The following LIN28B variants were observed in gnomAD, a reference collection of about 807,000 sequenced individuals.
LIN28B encodes protein lin-28 homolog B.
Under a neutral mutation model 21.9 loss-of-function variants are expected in LIN28B, and 5 were observed. That is an observed-to-expected ratio of 0.23 (90% CI 0.12 to 0.48). LIN28B has a LOEUF of 0.48. LIN28B is among the 20% of genes least tolerant of loss of function. The probability of loss-of-function intolerance (pLI) is 0.98; values close to 1 mark genes in which losing one functional copy is unlikely to be tolerated. For missense variants in LIN28B, 245 were observed against 310.5 expected (o/e 0.79, Z 1.58); for synonymous variants, 109 against 111.3 (o/e 0.98, Z 0.13).
At chr6:105,034,112 G>A (rs150227304) in intron 3 of LIN28B, among the ~76,000 whole-genome samples, 3 of 151,934 alleles carry the variant, frequency 2.0e-5, no homozygotes, top group African/African-American at 7.2e-5. Flanking sequence ...TAGTGTATAT[G>A]TTGGTTGTAT....
intron 3 of LIN28B, among the ~76,000 whole-genome samples, chr6:105,062,728 G>A (rs941126377): frequency 2.0e-5 from 3 of 151,838 alleles, no homozygotes; most frequent in African/African-American, 7.3e-5. Flanking sequence ...ATTGTTCTTG[G>A]TGGTTCTTGC....
intron 2 of LIN28B, among the ~76,000 whole-genome samples, chr6:104,966,498 G>A (rs2114582625): frequency 6.6e-6 from 1 of 151,972 alleles, no homozygotes; most frequent in South Asian, 2.1e-4. Flanking sequence ...CTCTTGCTCA[G>A]GCTGGAGTGC....
At chr6:104,950,192 AT>A (rs1778204480) in intron 2 of LIN28B, among the ~76,000 whole-genome samples, 1 of 152,140 alleles carries the variant, frequency 6.6e-6, no homozygotes, top group Admixed American at 6.6e-5. Flanking sequence ...ATTGTTCGTG[AT>A]ATTGGGATCT....
At chr6:105,022,205 G>A (rs1255115928) in intron 2 of LIN28B, among the ~76,000 whole-genome samples, 3 of 152,136 alleles carry the variant, frequency 2.0e-5, no homozygotes, top group African/African-American at 7.2e-5. Context: ...TTGTGATGCT[G>A]AGATGCCAGT....
chr6:105,038,156 G>GAT (rs751621726), intron 3 of LIN28B, among the ~76,000 whole-genome samples: 13 of 152,188 alleles, frequency 8.5e-5, no homozygotes, highest in Non-Finnish European at 1.6e-4. Context: ...CAGTCAGACA[G>GAT]ATAAAACCAC....
intron 2 of LIN28B, among the ~76,000 whole-genome samples, chr6:104,971,192 C>T (rs1437339655): frequency 6.6e-6 from 1 of 152,024 alleles, no homozygotes; most frequent in South Asian, 2.1e-4. Context: ...CACATATTTT[C>T]GTGCAAATAA....
At chr6:105,048,250 G>A (rs1173034362) in intron 3 of LIN28B, among the ~76,000 whole-genome samples, 1 of 152,186 alleles carries the variant, frequency 6.6e-6, no homozygotes, top group East Asian at 1.9e-4. Flanking sequence ...TTTCGTCAAA[G>A]GCCTTTTCTG....
intron 2 of LIN28B, among the ~76,000 whole-genome samples, chr6:104,940,695 C>T (rs543682720): frequency 1.5e-4 from 23 of 150,718 alleles, no homozygotes; most frequent in Admixed American, 9.2e-4. Flanking sequence ...CGCGCTCCCC[C>T]ACCCGGCTCA....
intron 2 of LIN28B, among the ~76,000 whole-genome samples, chr6:104,982,563 T>G (rs573278457): frequency 6.6e-6 from 1 of 152,268 alleles, no homozygotes; most frequent in South Asian, 2.1e-4. Context: ...TAGTATGCTG[T>G]CAATCTCCAT....
intron 2 of LIN28B, among the ~76,000 whole-genome samples, chr6:104,982,230 C>T (rs1321061636): frequency 6.6e-6 from 1 of 151,472 alleles, no homozygotes; most frequent in Admixed American, 6.6e-5. Flanking sequence ...AGGAGAATCG[C>T]TTGAACCAGG....
chr6:104,984,435 AATGAGT>A (rs1485884743), intron 2 of LIN28B, among the ~76,000 whole-genome samples: 1 of 151,938 alleles, frequency 6.6e-6, no homozygotes, highest in Non-Finnish European at 1.5e-5. Flanking sequence ...GCAGTTGATG[AATGAGT>A]ATATTTCTTT....
intron 3 of LIN28B, among the ~76,000 whole-genome samples, chr6:105,046,234 T>C (rs1771758241): frequency 6.6e-6 from 1 of 152,160 alleles, no homozygotes; most frequent in Admixed American, 6.5e-5. Flanking sequence ...TTCTCATTGT[T>C]CAATTCCCAC....
chr6:104,957,367 C>A, intron 1 of LIN28B, 107 bp downstream of exon 1: 1 of 652,710 alleles, frequency 1.5e-6, no homozygotes, highest in Non-Finnish European at 2.6e-6. Context: ...CCTTTTACCC[C>A]AATACTGGGC....
At chr6:105,012,846 TGGGGTCATA>T (rs1770951997) in intron 2 of LIN28B, among the ~76,000 whole-genome samples, 2 of 152,198 alleles carry the variant, frequency 1.3e-5, no homozygotes, top group Non-Finnish European at 1.5e-5. Flanking sequence ...CCATGGAACC[TGGGGTCATA>T]GGGCAGGTAT....
intron 2 of LIN28B, among the ~76,000 whole-genome samples, chr6:104,964,647 C>A (rs1769820138): frequency 6.6e-6 from 1 of 152,144 alleles, no homozygotes; most frequent in African/African-American, 2.4e-5. Flanking sequence ...CTTCTAATAT[C>A]ATAAAAGTTG....
chr6:105,033,932 TATATA>T (rs1031837261), intron 3 of LIN28B, among the ~76,000 whole-genome samples: 19 of 151,586 alleles, frequency 1.3e-4, no homozygotes, highest in Admixed American at 1.1e-3. Context: ...CATAATTAAA[TATATA>T]ATATAATTTT....
At chr6:104,996,842 G>A (rs754559896) in intron 2 of LIN28B, among the ~76,000 whole-genome samples, 3 of 152,158 alleles carry the variant, frequency 2.0e-5, no homozygotes, top group Non-Finnish European at 4.4e-5. Context: ...TCCAAGCCAG[G>A]TAAGGGGGCA....
intron 2 of LIN28B, among the ~76,000 whole-genome samples, chr6:104,968,146 TG>T (rs1359917530): frequency 2.0e-5 from 3 of 152,248 alleles, no homozygotes; most frequent in African/African-American, 4.8e-5. Context: ...ACTGTTGGTT[TG>T]GTATTTTCAT....
intron 3 of LIN28B, among the ~76,000 whole-genome samples, chr6:105,043,364 A>G (rs1366985519): frequency 1.3e-5 from 2 of 149,258 alleles, no homozygotes; most frequent in Middle Eastern, 3.5e-3. Flanking sequence ...AAAAAAAAAA[A>G]AAAAAAAAGA....
Sources: gnomAD v4.1 joint callset for allele counts (sites outside exome capture counted in the v4.1 genomes callset) on GRCh38, gnomAD v4.1.1 for gene constraint, MANE v1.5 for transcripts, NCBI Gene and HGNC (gene_info 2026-07-23, HGNC 2026-07-21) for gene names.